RASSF3: variants seen among roughly 807,000 people sequenced by gnomAD.
The protein encoded by RASSF3 is Ras association domain family member 3.
A neutral mutation model predicts 19.9 loss-of-function variants in RASSF3; 19 were observed. The observed-to-expected ratio is 0.96, with a 90% CI of 0.67 to 1.40. The LOEUF (loss-of-function observed/expected upper bound fraction) is 1.40. Ranked by LOEUF, RASSF3 falls within the 40% of genes most tolerant of loss-of-function variation. The pLI is 0.00. For synonymous variants in RASSF3, 110 were observed against 104.2 expected (o/e 1.06, Z -0.34); for missense variants, 306 against 289.8 (o/e 1.06, Z -0.41).
chr12:64,550,264 A>G (rs749945753), intron 2 of RASSF3, among the ~76,000 whole-genome samples: 2 of 152,140 alleles, frequency 1.3e-5, no homozygotes, highest in Admixed American at 6.6e-5. Context: ...GTAAGGGGAA[A>G]ACAAGAAAGG....
chr12:64,623,235 A>G (rs1013300092), intron 1 of RASSF3, among the ~76,000 whole-genome samples: 3 of 152,248 alleles, frequency 2.0e-5, no homozygotes, highest in Non-Finnish European at 4.4e-5. Context: ...ATAGTTAAAT[A>G]TATCACGTAG....
At chr12:64,514,412 C>G (rs1393400858) in intron 1 of RASSF3, among the ~76,000 whole-genome samples, 1 of 152,040 alleles carries the variant, frequency 6.6e-6, no homozygotes, top group Non-Finnish European at 1.5e-5. Context: ...GTCCCGATCT[C>G]TTGACCTCGT....
chr12:64,557,545 C>T (rs1302298627), intron 2 of RASSF3, among the ~76,000 whole-genome samples: 4 of 152,110 alleles, frequency 2.6e-5, no homozygotes, highest in Non-Finnish European at 5.9e-5. Flanking sequence ...TTTGGACCTC[C>T]AATTCTGCAG....
At chr12:64,596,499 A>G (rs1174186270) in intron 2 of RASSF3, among the ~76,000 whole-genome samples, 2 of 152,142 alleles carry the variant, frequency 1.3e-5, no homozygotes, top group Non-Finnish European at 2.9e-5. Flanking sequence ...TTGGAGTTAA[A>G]TTTCCCAGTG....
chr12:64,689,115 T>G (rs902904381), intron 3 of RASSF3, among the ~76,000 whole-genome samples: 1 of 152,144 alleles, frequency 6.6e-6, no homozygotes, highest in African/African-American at 2.4e-5. Context: ...ATTAAATTAC[T>G]GCGTGAAACA....
intron 2 of RASSF3, among the ~76,000 whole-genome samples, chr12:64,570,374 T>C (rs939128280): frequency 3.3e-5 from 5 of 152,306 alleles, no homozygotes; most frequent in African/African-American, 1.2e-4. Context: ...CTTGGCCTTC[T>C]CTCCTTTATA....
chr12:64,507,457 AGGTATTCCACTT>A (rs1000111135), intron 1 of RASSF3: 6 of 395,940 alleles, frequency 1.5e-5, no homozygotes, highest in Non-Finnish European at 2.2e-5. Context: ...AGCCTTTAAA[AGGTATTCCACTT>A]GGTCATCTGG....
In RASSF3 at chr12:64,561,715, C is replaced by CTTTTTT. The variant is rs4046189; in HGVS notation, c.294+20022_294+20027dup. Among the ~76,000 whole-genome samples the CTTTTTT allele has an allele frequency of 8.2e-4, 104 of 127,594 alleles. 1 individual carries two copies. Among genetic ancestry groups the CTTTTTT allele is most frequent in the African/African-American group, 9.8e-4 (35 of 35,830 alleles). 83.7% of individuals were successfully genotyped at this position (127,594 alleles called of 152,430 possible). On this transcript the variant is annotated intron_variant, in intron 2 of 5. Transcript: ENST00000637125. ...TACTCTGCACCTCTTTAGCATTTAT[C>CTTTTTT]TTTTTTTTTTTTTTTTTGAGATGGA...
intron 1 of RASSF3, among the ~76,000 whole-genome samples, chr12:64,614,699 C>CTTT (rs11334564): frequency 1.5e-4 from 19 of 129,480 alleles, no homozygotes; most frequent in African/African-American, 5.2e-4. Flanking sequence ...CTTTTCTTTT[C>CTTT]TTTTTTTTTT....
At chr12:64,596,492 G>T (rs931598089) in intron 2 of RASSF3, among the ~76,000 whole-genome samples, 1 of 152,150 alleles carries the variant, frequency 6.6e-6, no homozygotes, top group Non-Finnish European at 1.5e-5. Context: ...CAAGGATTTG[G>T]AGTTAAATTT....
chr12:64,536,793 G>A (rs1374615978), intron 1 of RASSF3, among the ~76,000 whole-genome samples: 1 of 152,188 alleles, frequency 6.6e-6, no homozygotes, highest in East Asian at 1.9e-4. Flanking sequence ...TCAATATCAT[G>A]TCTATGTTTT....
chr12:64,525,144 C>T (rs912336760), intron 1 of RASSF3, among the ~76,000 whole-genome samples: 40 of 152,068 alleles, frequency 2.6e-4, no homozygotes, highest in African/African-American at 9.4e-4. Flanking sequence ...GGCGTGGTGG[C>T]GTGTGCCTGT....
upstream of RASSF3, chr12:64,609,320 A>G (rs1870257615): frequency 6.6e-6 from 1 of 152,206 alleles, no homozygotes; most frequent in African/African-American, 2.4e-5. Context: ...TAGGTGTAAA[A>G]CCGGCATAAA....
At chr12:64,615,565 T>C (rs1270622729) in intron 1 of RASSF3, among the ~76,000 whole-genome samples, 1 of 152,224 alleles carries the variant, frequency 6.6e-6, no homozygotes, top group East Asian at 1.9e-4. Flanking sequence ...GAATCAACAG[T>C]AATGAGCTGC....
upstream of RASSF3, among the ~76,000 whole-genome samples, chr12:64,529,396 C>T (rs1184661560): frequency 6.6e-6 from 1 of 152,170 alleles, no homozygotes; most frequent in East Asian, 1.9e-4. Context: ...TGGACACATA[C>T]CCAAGCCTGA....
chr12:64,643,647 C>T (rs761391368), intron 1 of RASSF3, among the ~76,000 whole-genome samples: 13 of 151,850 alleles, frequency 8.6e-5, no homozygotes, highest in Non-Finnish European at 1.3e-4. Flanking sequence ...AAAAAAAAAC[C>T]GGAATGATCT....
At position 64,673,122 on chromosome 12, in the gene RASSF3, A is replaced by G. The variant is rs141576718; in HGVS notation, c.112-11665A>G. 2.3e-3 allele frequency among the ~76,000 whole-genome samples: 357 copies of G among 152,282 alleles called. 1 individual carries two copies. The highest frequency in any genetic ancestry group is 8.3e-3 in the African/African-American group (346 of 41,528). On this transcript the variant is annotated intron_variant, in intron 1 of 4. Coordinates refer to ENST00000542104, the MANE Select transcript of RASSF3 (RefSeq NM_178169.4). ...CCATAAAGGATATGGCAGTCTTGAG[A>G]CTTGACCTCCAAACTTTGACCTTAA...
upstream of RASSF3, chr12:64,609,423 C>G (rs907769943): frequency 2.0e-5 from 3 of 152,232 alleles, no homozygotes; most frequent in Non-Finnish European, 2.9e-5. Context: ...TGGACATTTT[C>G]TCTTTTCTAA....
At chr12:64,523,263 G>A (rs540483662) in intron 1 of RASSF3, among the ~76,000 whole-genome samples, 2 of 151,944 alleles carry the variant, frequency 1.3e-5, no homozygotes, top group East Asian at 1.9e-4. Flanking sequence ...AAAAATAGCC[G>A]GGCATGGTGT....
Sources: allele counts gnomAD v4.1 joint callset (sites outside exome capture counted in the v4.1 genomes callset), GRCh38; gene constraint gnomAD v4.1.1; transcripts MANE v1.5; gene names NCBI Gene and HGNC (gene_info 2026-07-23, HGNC 2026-07-21).